The following SPATA16 variants were observed in gnomAD, a reference collection of about 807,000 sequenced individuals.
SPATA16 encodes the protein spermatogenesis associated 16.
Under a neutral mutation model 63.3 loss-of-function variants are expected in SPATA16, and 36 were observed. The observed-to-expected ratio is 0.57, with a 90% confidence interval of 0.44 to 0.75. The LOEUF (loss-of-function observed/expected upper bound fraction) is 0.75. Among genes scored for constraint, SPATA16 ranks in the 30% least tolerant of loss-of-function variants. SPATA16 has a pLI of 0.00. For missense variants in SPATA16, 646 were observed against 679.3 expected (o/e 0.95, Z 0.54); for synonymous variants, 203 against 216.7 (o/e 0.94, Z 0.56).
chr3:173,045,832 A>G (rs1577146700), intron 3 of SPATA16, among the ~76,000 whole-genome samples: 1 of 152,004 alleles, frequency 6.6e-6, no homozygotes, highest in South Asian at 2.1e-4. Context: ...ACTGCCTAGC[A>G]CAGGAATAGG....
At chr3:173,073,642 A>C (rs189962043) in intron 2 of SPATA16, among the ~76,000 whole-genome samples, 6 of 152,352 alleles carry the variant, frequency 3.9e-5, no homozygotes, top group African/African-American at 1.4e-4. Flanking sequence ...AAATGCCTGG[A>C]TGTCCAGGCA....
intron 2 of SPATA16, among the ~76,000 whole-genome samples, chr3:173,060,512 G>A (rs982533305): frequency 2.0e-5 from 3 of 152,052 alleles, no homozygotes; most frequent in Admixed American, 6.5e-5. Flanking sequence ...TAAATGTGGA[G>A]GATAAGCTTT....
At chr3:173,029,427 T>TTG (rs1429979548) in intron 3 of SPATA16, among the ~76,000 whole-genome samples, 1 of 143,782 alleles carries the variant, frequency 7.0e-6, no homozygotes, top group African/African-American at 2.6e-5. Context: ...GTTTGTTTGT[T>TTG]TTGTTGTTGT....
chr3:172,999,212 G>A (rs1340547752), intron 4 of SPATA16, among the ~76,000 whole-genome samples: 2 of 151,998 alleles, frequency 1.3e-5, no homozygotes, highest in African/African-American at 4.8e-5. Context: ...TATTTATTTT[G>A]TTTCTTTAAT....
chr3:173,100,934 T>A (rs1381197712), intron 2 of SPATA16, among the ~76,000 whole-genome samples: 1 of 152,162 alleles, frequency 6.6e-6, no homozygotes, highest in Non-Finnish European at 1.5e-5. Context: ...TTGCTAACTT[T>A]AAAGGTGTAT....
Position 172,889,574 on chromosome 3 carries a change from C to G in SPATA16, c.1706G>C (p.Arg569Thr). Residue 569 changes from arginine (R) to threonine (T), a missense_variant, in exon 11 of 11, where the codon AGG becomes ACG. Physicochemically the swap from Arg to Thr is moderately conservative, Grantham distance 71. Coordinates refer to ENST00000351008, the MANE Select transcript of SPATA16 (RefSeq NM_031955.6). ...GTAGTGCCTGCTCCCTAATGACTAC[C>G]TTTGCTGAACAGTTTGAAGTCGCTT... ...KMKRLQTVQQ[R>T] The G allele has an allele frequency of 6.2e-7, 1 of 1,613,730 alleles. No homozygotes were observed. Among genetic ancestry groups the G allele is most frequent in the Non-Finnish European group, 8.5e-7 (1 of 1,179,832 alleles).
At chr3:173,026,937 A>G (rs1287621827) in intron 3 of SPATA16, among the ~76,000 whole-genome samples, 1 of 151,864 alleles carries the variant, frequency 6.6e-6, no homozygotes, top group Non-Finnish European at 1.5e-5. Context: ...TTTACATTTT[A>G]GAAAGTAGCC....
At chr3:173,048,326 C>A (rs1380517706) in intron 3 of SPATA16, among the ~76,000 whole-genome samples, 1 of 151,744 alleles carries the variant, frequency 6.6e-6, no homozygotes, top group African/African-American at 2.4e-5. Context: ...GAGAAAGACC[C>A]CTAAAACATA....
chr3:172,934,427 C>A (rs1732936227), intron 6 of SPATA16, among the ~76,000 whole-genome samples: 1 of 152,012 alleles, frequency 6.6e-6, no homozygotes, highest in African/African-American at 2.4e-5. Flanking sequence ...GATTAATATA[C>A]AAAATGTATT....
chr3:172,984,989 A>G (rs1734411835), intron 4 of SPATA16, among the ~76,000 whole-genome samples: 1 of 152,192 alleles, frequency 6.6e-6, no homozygotes, highest in Non-Finnish European at 1.5e-5. Flanking sequence ...TAGATGGCAG[A>G]GTTAGGATTC....
chr3:172,924,950 G>A (rs1460005075), intron 7 of SPATA16, among the ~76,000 whole-genome samples: 1 of 152,178 alleles, frequency 6.6e-6, no homozygotes, highest in Non-Finnish European at 1.5e-5. Flanking sequence ...TAAGAAAAGC[G>A]GGGAAGAGAC....
intron 4 of SPATA16, among the ~76,000 whole-genome samples, chr3:173,013,814 A>G (rs752226300): frequency 1.3e-5 from 2 of 152,180 alleles, no homozygotes; most frequent in Non-Finnish European, 2.9e-5. Context: ...GAGAACAGGA[A>G]TCTATAAACT....
At chr3:172,918,658 G>A (rs1385660557) in intron 8 of SPATA16, among the ~76,000 whole-genome samples, 1 of 152,078 alleles carries the variant, frequency 6.6e-6, no homozygotes, top group Non-Finnish European at 1.5e-5. Flanking sequence ...ATAAAAAATA[G>A]GAATTAGCTT....
chr3:173,015,350 C>A (rs1269054656), intron 4 of SPATA16, among the ~76,000 whole-genome samples: 1 of 152,226 alleles, frequency 6.6e-6, no homozygotes, highest in East Asian at 1.9e-4. Context: ...AGGCGTGAGC[C>A]ACTGCAGCCA....
chr3:173,088,020 TTC>T (rs776289254), intron 2 of SPATA16, among the ~76,000 whole-genome samples: 2 of 91,634 alleles, frequency 2.2e-5, no homozygotes, highest in Non-Finnish European at 2.3e-5. Context: ...CTTTCTTTCT[TTC>T]TTTCTTTCTT....
chr3:172,981,135 A>G (rs907811447), intron 4 of SPATA16, among the ~76,000 whole-genome samples: 2 of 151,884 alleles, frequency 1.3e-5, no homozygotes, highest in African/African-American at 4.8e-5. Flanking sequence ...CTGTGCCATT[A>G]TTTCTGGTTT....
At chr3:173,038,751 G>A (rs755374100) in intron 3 of SPATA16, among the ~76,000 whole-genome samples, 81 of 152,226 alleles carry the variant, frequency 5.3e-4, no homozygotes, top group East Asian at 1.7e-3. Context: ...TTCTAGACTC[G>A]TAAAATTTCA....
At chr3:173,041,637 G>A (rs1237680278) in intron 3 of SPATA16, among the ~76,000 whole-genome samples, 1 of 151,938 alleles carries the variant, frequency 6.6e-6, no homozygotes, top group Non-Finnish European at 1.5e-5. Flanking sequence ...ACTGGCACCC[G>A]CAATGTTCCC....
At chr3:173,133,758 G>T (rs1738449616) in intron 1 of SPATA16, among the ~76,000 whole-genome samples, 1 of 152,082 alleles carries the variant, frequency 6.6e-6, no homozygotes, top group Non-Finnish European at 1.5e-5. Flanking sequence ...TCTGTCAAAG[G>T]CTGATGGAAT....
Sources: allele counts gnomAD v4.1 joint callset (sites outside exome capture counted in the v4.1 genomes callset), GRCh38; gene constraint gnomAD v4.1.1; transcripts MANE v1.5; gene names NCBI Gene and HGNC (gene_info 2026-07-23, HGNC 2026-07-21).